KDM4C: variants seen among roughly 807,000 people sequenced by gnomAD.
KDM4C encodes lysine demethylase 4C, also known as lysine-specific demethylase 4C.
KDM4C carries 81 observed loss-of-function variants against 129.3 expected under a neutral mutation model. The observed-to-expected ratio is 0.63, with a 90% CI of 0.52 to 0.75. The LOEUF is 0.75. Ranked by LOEUF, KDM4C falls within the 30% of genes least tolerant of loss-of-function variation. KDM4C has a pLI of 0.00. For missense variants in KDM4C, 1,457 were observed against 1,304.0 expected (o/e 1.12, Z -1.81); for synonymous variants, 573 against 456.1 (o/e 1.26, Z -3.26).
chr9:6,853,493 A>C (rs1163466715), intron 5 of KDM4C, among the ~76,000 whole-genome samples: 3 of 152,160 alleles, frequency 2.0e-5, no homozygotes, highest in Admixed American at 6.5e-5. Context: ...ACACTGTCTC[A>C]AAGAATAAAA....
chr9:6,899,058 A>G (rs182274223), intron 8 of KDM4C, among the ~76,000 whole-genome samples: 1 of 140,608 alleles, frequency 7.1e-6, no homozygotes, highest in Non-Finnish European at 1.6e-5. Flanking sequence ...TATGTTCTGC[A>G]TTTTTTTTTT....
At chr9:6,885,571 C>T (rs527525847) in intron 6 of KDM4C, among the ~76,000 whole-genome samples, 14 of 151,194 alleles carry the variant, frequency 9.3e-5, no homozygotes, top group Non-Finnish European at 2.1e-4. Context: ...AAGAATGATT[C>T]CAAAGACCAT....
intron 8 of KDM4C, among the ~76,000 whole-genome samples, chr9:6,967,723 A>G (rs945492502): frequency 6.6e-6 from 1 of 152,214 alleles, no homozygotes; most frequent in Admixed American, 6.5e-5. Flanking sequence ...TATGAGAACC[A>G]TACCAGAGCC....
intron 1 of KDM4C, among the ~76,000 whole-genome samples, chr9:6,779,792 A>G (rs1823921380): frequency 6.6e-6 from 1 of 152,218 alleles, no homozygotes; most frequent in Non-Finnish European, 1.5e-5. Context: ...GACAATGGCA[A>G]GTGGGAAACC....
chr9:7,031,186 G>T (rs1826685033), intron 15 of KDM4C, among the ~76,000 whole-genome samples: 1 of 146,696 alleles, frequency 6.8e-6, no homozygotes. Context: ...GTTTTGAGAT[G>T]GAGTCTGGCT....
chr9:6,879,775 A>G (rs1844158280), intron 5 of KDM4C, among the ~76,000 whole-genome samples: 1 of 152,110 alleles, frequency 6.6e-6, no homozygotes, highest in Admixed American at 6.6e-5. Flanking sequence ...AATTTGTAAA[A>G]TGTGGTTGGC....
chr9:6,745,048 C>T (rs1817831477), intron 1 of KDM4C, among the ~76,000 whole-genome samples: 1 of 152,096 alleles, frequency 6.6e-6, no homozygotes. Context: ...ATAGGTCTCC[C>T]CAGACCTTGG....
At chr9:6,875,045 A>C (rs1015332230) in intron 5 of KDM4C, among the ~76,000 whole-genome samples, 4 of 152,204 alleles carry the variant, frequency 2.6e-5, no homozygotes, top group African/African-American at 9.6e-5. Flanking sequence ...AGCACACCAG[A>C]CTGACCCTAA....
chr9:6,964,925 G>T (rs1248504903), intron 8 of KDM4C, among the ~76,000 whole-genome samples: 1 of 152,042 alleles, frequency 6.6e-6, no homozygotes, highest in South Asian at 2.1e-4. Flanking sequence ...TTGCACTCCA[G>T]CCTGGGCTAC....
At chr9:6,797,056 G>GGCTGGGTGGTGTGATCGTGGCTCACTA (rs1827884448) in intron 2 of KDM4C, among the ~76,000 whole-genome samples, 2 of 150,748 alleles carry the variant, frequency 1.3e-5, no homozygotes, top group Admixed American at 6.6e-5. Context: ...GTGGCTCACT[G>GGCTGGGTGGTGTGATCGTGGCTCACTA]CAGCCTTGAC....
chr9:7,081,004 A>C (rs1834460490), intron 17 of KDM4C, among the ~76,000 whole-genome samples: 1 of 152,254 alleles, frequency 6.6e-6, no homozygotes. Flanking sequence ...AACCTAAGGC[A>C]CACGACAGAG....
intron 8 of KDM4C, among the ~76,000 whole-genome samples, chr9:6,917,957 C>A (rs549649005): frequency 6.6e-6 from 1 of 152,320 alleles, no homozygotes; most frequent in South Asian, 2.1e-4. Flanking sequence ...TCCACTAGAT[C>A]AGTCTCATCA....
At chr9:7,024,693 A>C (rs958730661) in intron 15 of KDM4C, among the ~76,000 whole-genome samples, 1 of 152,206 alleles carries the variant, frequency 6.6e-6, no homozygotes, top group African/African-American at 2.4e-5. Flanking sequence ...ATAGTATTCC[A>C]TGGTGTATAT....
intron 15 of KDM4C, among the ~76,000 whole-genome samples, chr9:7,031,894 C>T (rs1277832324): frequency 6.6e-6 from 1 of 152,124 alleles, no homozygotes; most frequent in Non-Finnish European, 1.5e-5. Context: ...TCATAAATCC[C>T]ACTCCCCTAG....
rs149562362 is a variant in KDM4C at position 6,888,139 on chromosome 9, C to T, written c.783+76C>T. On this transcript the variant is annotated intron_variant, in intron 7 of 21. Transcript: ENST00000381309. ...TATTTAAGAAGTAATGTATCTTTAA[C>T]TTCCAGTAGAATTTTTAGGATGTGG... The T allele has an allele frequency of 2.1e-5, 15 of 699,300 alleles. No homozygotes were observed. In the East Asian group the frequency reaches 4.4e-4, roughly 21 times the overall value. 43.3% of individuals were successfully genotyped at this position (699,300 alleles called of 1,614,324 possible).
At chr9:6,867,080 A>G (rs1447810349) in intron 5 of KDM4C, among the ~76,000 whole-genome samples, 1 of 144,618 alleles carries the variant, frequency 6.9e-6, no homozygotes, top group Admixed American at 7.2e-5. Flanking sequence ...CAGTGGTGTG[A>G]TCTCAGCTCA....
At chr9:6,979,780 C>T (rs1816445520) in intron 8 of KDM4C, among the ~76,000 whole-genome samples, 1 of 152,078 alleles carries the variant, frequency 6.6e-6, no homozygotes, top group African/African-American at 2.4e-5. Flanking sequence ...GGAATTGAGA[C>T]AGGAGATGCC....
intron 15 of KDM4C, among the ~76,000 whole-genome samples, chr9:7,032,784 C>A (rs769325180): frequency 3.9e-5 from 6 of 152,168 alleles, no homozygotes; most frequent in Non-Finnish European, 8.8e-5. Context: ...AAGCCACTGA[C>A]CTAATCCTGA....
At chr9:7,024,112 G>T (rs139459773) in intron 15 of KDM4C, among the ~76,000 whole-genome samples, 1 of 152,068 alleles carries the variant, frequency 6.6e-6, no homozygotes, top group African/African-American at 2.4e-5. Context: ...TGTGACCTTC[G>T]TATGAAATGT....
Sources: allele counts gnomAD v4.1 joint callset (sites outside exome capture counted in the v4.1 genomes callset), GRCh38; gene constraint gnomAD v4.1.1; transcripts MANE v1.5; gene names NCBI Gene and HGNC (gene_info 2026-07-23, HGNC 2026-07-21).